The following MYOM1 variants were observed in gnomAD, a reference collection of about 807,000 sequenced individuals.
MYOM1 encodes myomesin-1.
Under a neutral mutation model 205.3 loss-of-function variants are expected in MYOM1, and 164 were observed. The ratio of observed to expected loss-of-function variants is 0.80; its 90% CI spans 0.70 to 0.91. The LOEUF is 0.91. Ranked by LOEUF, MYOM1 falls within the 40% of genes least tolerant of loss-of-function variation. MYOM1 has a pLI of 0.00. For synonymous variants in MYOM1, 772 were observed against 789.4 expected, an observed-to-expected ratio of 0.98 and a Z score of 0.37; for missense variants, 2,011 against 2,127.3, an observed-to-expected ratio of 0.95 and a Z score of 1.08.
At chr18:3,214,881 G>A (rs1598777766) in intron 2 of MYOM1, 53 bp downstream of exon 2, 3 of 1,515,746 alleles carry the variant, frequency 2.0e-6, no homozygotes, top group East Asian at 4.6e-5. Context: ...GGGTTACTCA[G>A]AGCACACGCC....
At chr18:3,176,240 CT>C (rs2144098379) in intron 5 of MYOM1, 106 bp from the exon 6 acceptor site, 1 of 666,154 alleles carries the variant, frequency 1.5e-6, no homozygotes, top group Non-Finnish European at 2.7e-6. Context: ...AAACAGGGCA[CT>C]GAGGGTAGCA....
chr18:3,159,337 C>A (rs1318355427), intron 10 of MYOM1, among the ~76,000 whole-genome samples: 1 of 152,154 alleles, frequency 6.6e-6, no homozygotes, highest in African/African-American at 2.4e-5. Context: ...GGTGTGGAAG[C>A]TGTTTTCTAA....
At chr18:3,223,211 T>C (rs750468849), upstream of MYOM1, among the ~76,000 whole-genome samples, 4 of 152,214 alleles carry the variant, frequency 2.6e-5, no homozygotes, top group Non-Finnish European at 5.9e-5. Context: ...TCATAAAATG[T>C]TTTCATGATA....
upstream of MYOM1, among the ~76,000 whole-genome samples, chr18:3,223,991 C>A (rs941889946): frequency 6.6e-6 from 1 of 151,700 alleles, no homozygotes; most frequent in Non-Finnish European, 1.5e-5. Context: ...TATTAAATGA[C>A]CTAGATCTAA....
intron 10 of MYOM1, among the ~76,000 whole-genome samples, chr18:3,156,386 C>A (rs573311300): frequency 1.3e-5 from 2 of 152,342 alleles, no homozygotes; most frequent in African/African-American, 4.8e-5. Context: ...CTGTCTACTT[C>A]TGCATTTAAT....
chr18:3,186,905 G>GGAAA (rs1308734070), intron 5 of MYOM1, among the ~76,000 whole-genome samples: 1 of 128,708 alleles, frequency 7.8e-6, no homozygotes, highest in African/African-American at 2.9e-5. Flanking sequence ...AAAGAAGGAA[G>GGAAA]GAAAGAAAGA....
In MYOM1 at chr18:3,151,769, T is replaced by C. The variant is rs965676713; in HGVS notation, c.1768A>G (p.Met590Val). The C allele has an allele frequency of 6.2e-7, 1 of 1,613,776 alleles. No homozygotes were observed. Among genetic ancestry groups the C allele is most frequent in the African/African-American group, 1.3e-5 (1 of 74,902 alleles). Reference sequence around the variant, plus strand: ...ACTCGAGATGGGAAACCTATTCCCATTTTATTCACAGCTCGAACTCGGAAG... The same window carrying C: ...ACTCGAGATGGGAAACCTATTCCCACTTTATTCACAGCTCGAACTCGGAAG... ...YIFRVRAVNK[M>V]GIGFPSRVSE... Residue 590 changes from methionine to valine, a missense_variant, in exon 12 of 38, where the codon ATG becomes GTG. Met to Val is a conservative substitution (Grantham distance 21, BLOSUM62 1). Coordinates refer to ENST00000356443, the MANE Select transcript of MYOM1 (RefSeq NM_003803.4).
In MYOM1 at chr18:3,193,953, G is replaced by T. The variant is rs776516464; in HGVS notation, c.296C>A (p.Thr99Lys). ...ATCATCTAACAGCAGACTGGAATCT[G>T]TAAGTCTGAAATAAACCACCTAACA... ...AYDYGSSHGL[T>K]DSSLLLDDYS... The change falls in exon 3 of 38, where the codon ACA becomes AAA. Residue 99 changes from threonine to lysine, a missense_variant. Physicochemically the swap from Thr to Lys is moderately conservative, Grantham distance 78. Coordinates refer to ENST00000356443, the MANE Select transcript of MYOM1 (RefSeq NM_003803.4). The T allele has an allele frequency of 2.0e-5, 33 of 1,613,230 alleles. No individual in the cohort carries two copies. The highest frequency in any genetic ancestry group is 2.8e-5 in the Non-Finnish European group (33 of 1,179,570).
intron 9 of MYOM1, among the ~76,000 whole-genome samples, chr18:3,167,265 G>A (rs1188783625): frequency 6.6e-6 from 1 of 152,134 alleles, no homozygotes; most frequent in Non-Finnish European, 1.5e-5. Flanking sequence ...TGTGTGATTT[G>A]GGGCAATCCC....
At chr18:3,077,908 C>T (rs1313141898) in intron 34 of MYOM1, among the ~76,000 whole-genome samples, 7 of 151,948 alleles carry the variant, frequency 4.6e-5, no homozygotes, top group Admixed American at 1.3e-4. Flanking sequence ...TCTTTCTAGT[C>T]GCCGTGAATG....
chr18:3,139,116 C>T (rs186363273), intron 14 of MYOM1, among the ~76,000 whole-genome samples: 9 of 152,226 alleles, frequency 5.9e-5, no homozygotes, highest in Admixed American at 2.0e-4. Flanking sequence ...CCCATCTCTA[C>T]AAAACACTTA....
intron 34 of MYOM1, among the ~76,000 whole-genome samples, chr18:3,077,633 T>A (rs957690119): frequency 6.6e-6 from 1 of 152,206 alleles, no homozygotes; most frequent in Admixed American, 6.5e-5. Context: ...GGTAGGACAA[T>A]CTACAGCCTT....
At chr18:3,083,679 CA>C (rs1403244859) in intron 33 of MYOM1, 109 bp downstream of exon 33, 96 of 696,730 alleles carry the variant, frequency 1.4e-4, no homozygotes, top group Non-Finnish European at 2.0e-4. Context: ...CTCCTGACCT[CA>C]AATGATCCAC....
chr18:3,201,619 T>C (rs1237749370), intron 2 of MYOM1, among the ~76,000 whole-genome samples: 1 of 151,970 alleles, frequency 6.6e-6, no homozygotes, highest in Non-Finnish European at 1.5e-5. Flanking sequence ...CATATATGTA[T>C]GTAAATTTTT....
At position 3,180,056 on chromosome 18, in the gene MYOM1, G is replaced by C. The variant is rs184671884; in HGVS notation, c.930-3922C>G. On this transcript the variant is annotated intron_variant, in intron 5 of 37. Coordinates refer to ENST00000356443, the MANE Select transcript of MYOM1 (RefSeq NM_003803.4). ...TCATGCCTGTAATCCCAGAACTTTG[G>C]GAGGCTGAAGCAGGAGGATCGTTTG... 9.7e-4 allele frequency among the ~76,000 whole-genome samples: 147 copies of C among 152,218 alleles called. 1 individual carries two copies. The highest frequency in any genetic ancestry group is 1.7e-3 in the South Asian group (8 of 4,822).
chr18:3,221,323 A>G (rs754781530), upstream of MYOM1, among the ~76,000 whole-genome samples: 28 of 152,216 alleles, frequency 1.8e-4, no homozygotes, highest in Admixed American at 1.3e-4. Context: ...CCCAGTCTCT[A>G]TCAAGATATT....
At chr18:3,121,586 A>C (rs1395200425) in intron 19 of MYOM1, among the ~76,000 whole-genome samples, 1 of 152,338 alleles carries the variant, frequency 6.6e-6, no homozygotes, top group East Asian at 1.9e-4. Context: ...AAGAATTAAA[A>C]CACAGACACA....
chr18:3,151,632 C>A, intron 12 of MYOM1, 62 bp downstream of exon 12: 1 of 1,430,362 alleles, frequency 7.0e-7, no homozygotes. Context: ...TGCAATGAAG[C>A]TGATTCTTGC....
In MYOM1 at chr18:3,116,443, T is replaced by A. The variant is rs1163293234; in HGVS notation, c.3191A>T (p.His1064Leu). The stretch of plus-strand genomic sequence containing the variant: ...ACCAGTGACCGGAGTCCGCCCGGAG[T>A]GGACTGGCGGCTTCCACTGGAGAAC... ...SLVLQWKPPV[H>L]SGRTPVTGYF... The change falls in exon 21 of 38, where the codon CAC (histidine) becomes CTC (leucine). Residue 1064 changes from histidine (H) to leucine (L), a missense_variant. His to Leu is a moderately conservative substitution (Grantham distance 99). Transcript: ENST00000356443. 6.2e-7 allele frequency: 1 copy of A among 1,612,816 alleles called. No homozygotes were observed.
Sources: gnomAD v4.1 joint callset for allele counts (sites outside exome capture counted in the v4.1 genomes callset) on GRCh38, gnomAD v4.1.1 for gene constraint, MANE v1.5 for transcripts, NCBI Gene and HGNC (gene_info 2026-07-23, HGNC 2026-07-21) for gene names.